FSTL5: variants seen among roughly 807,000 people sequenced by gnomAD.
FSTL5 encodes follistatin like 5, also known as follistatin-related protein 5.
A neutral mutation model predicts 89.1 loss-of-function variants in FSTL5; 62 were observed. The ratio of observed to expected loss-of-function variants is 0.70; its 90% CI spans 0.57 to 0.86. The LOEUF (loss-of-function observed/expected upper bound fraction) is 0.86. Among genes scored for constraint, FSTL5 ranks in the 40% least tolerant of loss-of-function variants. FSTL5 has a pLI of 0.00. For synonymous variants in FSTL5, 383 were observed against 346.2 expected, an observed-to-expected ratio of 1.11 and a Z score of -1.18; for missense variants, 1,057 against 1,001.6, an observed-to-expected ratio of 1.06 and a Z score of -0.75.
chr4:161,865,402 G>T (rs1030950872), intron 4 of FSTL5, among the ~76,000 whole-genome samples: 3 of 152,090 alleles, frequency 2.0e-5, no homozygotes, highest in Non-Finnish European at 4.4e-5. Context: ...CAAATCATAG[G>T]TTTAAGAATA....
chr4:161,995,685 TAATA>T (rs1736271312), intron 3 of FSTL5, among the ~76,000 whole-genome samples: 1 of 152,164 alleles, frequency 6.6e-6, no homozygotes, highest in South Asian at 2.1e-4. Flanking sequence ...AGTTGTTAAT[TAATA>T]AATAATTAAT....
At chr4:161,493,517 A>G (rs75685780) in intron 12 of FSTL5, among the ~76,000 whole-genome samples, 30,015 of 151,878 alleles carry the variant, frequency 0.2, 3,791 homozygotes, top group Non-Finnish European at 0.28. Context: ...TTGTGTTAAA[A>G]TAAATCTTAG....
At chr4:162,138,188 T>C (rs376430508) in intron 1 of FSTL5, among the ~76,000 whole-genome samples, 2 of 152,186 alleles carry the variant, frequency 1.3e-5, no homozygotes, top group African/African-American at 4.8e-5. Context: ...CTCTTCAATG[T>C]ACTAAGTAAT....
intron 10 of FSTL5, among the ~76,000 whole-genome samples, chr4:161,526,361 T>C (rs957568187): frequency 2.6e-5 from 4 of 152,210 alleles, no homozygotes; most frequent in African/African-American, 9.7e-5. Flanking sequence ...TGTAGAATGT[T>C]TCCAAAGGAT....
At chr4:161,944,788 TATTTA>T (rs1734692330) in intron 3 of FSTL5, among the ~76,000 whole-genome samples, 1 of 151,834 alleles carries the variant, frequency 6.6e-6, no homozygotes, top group Non-Finnish European at 1.5e-5. Flanking sequence ...GTTTGGTTAG[TATTTA>T]ATTTATAATT....
intron 4 of FSTL5, among the ~76,000 whole-genome samples, chr4:161,896,143 T>C (rs2110772647): frequency 6.6e-6 from 1 of 152,300 alleles, no homozygotes; most frequent in Middle Eastern, 3.4e-3. Flanking sequence ...CCATAATGTT[T>C]CTAAACTCTC....
intron 6 of FSTL5, among the ~76,000 whole-genome samples, chr4:161,681,605 A>T (rs909352688): frequency 3.3e-5 from 5 of 152,084 alleles, no homozygotes; most frequent in African/African-American, 9.7e-5. Flanking sequence ...AATCATTATT[A>T]AAAAATATCT....
At chr4:161,936,268 T>C (rs886463945) in intron 3 of FSTL5, among the ~76,000 whole-genome samples, 6 of 152,180 alleles carry the variant, frequency 3.9e-5, no homozygotes, top group South Asian at 2.1e-4. Context: ...TATACATAAT[T>C]TACATAATCT....
At chr4:161,528,269 C>A (rs1410693351) in intron 10 of FSTL5, among the ~76,000 whole-genome samples, 1 of 141,366 alleles carries the variant, frequency 7.1e-6, no homozygotes, top group African/African-American at 2.5e-5. Context: ...ACATTGTGCA[C>A]ATGTACCCTA....
rs1454616731 is a variant in FSTL5 at position 161,916,853 on chromosome 4, T to C, written c.409+3551A>G. Among the ~76,000 whole-genome samples, 4 of 152,148 alleles carry C rather than the reference T, an allele frequency of 2.6e-5. 1 individual carries two copies. Among genetic ancestry groups the C allele is most frequent in the African/African-American group, 4.8e-5 (2 of 41,442 alleles). On this transcript the variant is annotated intron_variant, in intron 4 of 15. Coordinates refer to ENST00000306100, the MANE Select transcript of FSTL5 (RefSeq NM_020116.5). ...TACAGATATAGGTATATAAAAAATATTTTATATAGAAATGTAGATGATTTA... is the reference window on the plus strand; with the variant it reads ...TACAGATATAGGTATATAAAAAATACTTTATATAGAAATGTAGATGATTTA...
chr4:161,749,307 A>T (rs894517487), intron 6 of FSTL5, among the ~76,000 whole-genome samples: 11 of 152,180 alleles, frequency 7.2e-5, no homozygotes, highest in African/African-American at 2.7e-4. Context: ...GACTGGATTT[A>T]AAAAAATGTG....
chr4:161,725,787 T>C (rs899728360), intron 6 of FSTL5, among the ~76,000 whole-genome samples: 6 of 152,202 alleles, frequency 3.9e-5, no homozygotes, highest in African/African-American at 1.2e-4. Context: ...AAATCCCATA[T>C]ATTAGTTCAT....
At chr4:161,621,202 A>T (rs532238995) in intron 7 of FSTL5, among the ~76,000 whole-genome samples, 4 of 152,126 alleles carry the variant, frequency 2.6e-5, no homozygotes, top group African/African-American at 9.6e-5. Context: ...GAATTCAATG[A>T]AAAATCATTT....
At chr4:161,481,421 T>C (rs565207465) in intron 12 of FSTL5, among the ~76,000 whole-genome samples, 13 of 152,262 alleles carry the variant, frequency 8.5e-5, no homozygotes, top group African/African-American at 2.6e-4. Flanking sequence ...TGTAGTTCTT[T>C]CATTTTTTTT....
At chr4:161,498,813 G>T (rs1420180947) in intron 12 of FSTL5, among the ~76,000 whole-genome samples, 1 of 151,962 alleles carries the variant, frequency 6.6e-6, no homozygotes, top group Non-Finnish European at 1.5e-5. Context: ...GCAATAATTT[G>T]TTTTTATTCA....
chr4:162,069,879 T>C (rs900241019), intron 2 of FSTL5, among the ~76,000 whole-genome samples: 4 of 120,022 alleles, frequency 3.3e-5, no homozygotes, highest in African/African-American at 1.4e-4. Flanking sequence ...TTTGATATAC[T>C]AATTTTTTTT....
rs552214430 is a variant in FSTL5 at position 162,150,389 on chromosome 4, G to A, written c.-17+13226C>T. Among the ~76,000 whole-genome samples the A allele has an allele frequency of 5.4e-4, 82 of 151,798 alleles. No individual in the cohort carries two copies. The South Asian group carries it at 0.017, about 31-fold the overall frequency. On this transcript the variant is annotated intron_variant, in intron 1 of 15. Transcript: ENST00000306100. ...ATGTCAGCTTGGTTCTACCTTAAAT[G>A]CTCTTCTAAAGTTTTATCAAAATAA...
intron 6 of FSTL5, among the ~76,000 whole-genome samples, chr4:161,730,549 T>G (rs1739574178): frequency 6.6e-6 from 1 of 152,150 alleles, no homozygotes; most frequent in Admixed American, 6.6e-5. Flanking sequence ...TGCAATGGTA[T>G]CTACAGTAAA....
intron 5 of FSTL5, among the ~76,000 whole-genome samples, chr4:161,774,698 A>G (rs1262518301): frequency 6.6e-6 from 1 of 152,134 alleles, no homozygotes; most frequent in South Asian, 2.1e-4. Context: ...TCTCAAAATA[A>G]CAATATATAT....
Sources: gnomAD v4.1 joint callset for allele counts (sites outside exome capture counted in the v4.1 genomes callset) on GRCh38, gnomAD v4.1.1 for gene constraint, MANE v1.5 for transcripts, NCBI Gene and HGNC (gene_info 2026-07-23, HGNC 2026-07-21) for gene names.